Variants in SUMF1 observed in about 807,000 individuals in gnomAD.
SUMF1 encodes formylglycine-generating enzyme.
Under a neutral mutation model 47.6 loss-of-function variants are expected in SUMF1, and 48 were observed. The ratio of observed to expected loss-of-function variants is 1.01; its 90% CI spans 0.80 to 1.28. SUMF1 has a LOEUF of 1.28. Among genes scored for constraint, SUMF1 ranks in the 50% most tolerant of loss-of-function variants. The probability of loss-of-function intolerance (pLI) is 0.00; values close to 1 mark genes in which losing one functional copy is unlikely to be tolerated. For synonymous variants in SUMF1, 230 were observed against 192.1 expected, an observed-to-expected ratio of 1.20 and a Z score of -1.63; for missense variants, 571 against 485.4, an observed-to-expected ratio of 1.18 and a Z score of -1.66.
intron 8 of SUMF1, among the ~76,000 whole-genome samples, chr3:4,280,020 C>T (rs976684975): frequency 1.3e-5 from 2 of 152,034 alleles, no homozygotes; most frequent in Non-Finnish European, 2.9e-5. Flanking sequence ...TAAGAGATGA[C>T]ACTAGCCATC....
chr3:4,103,798 A>C (rs1381283961), intron 8 of SUMF1, among the ~76,000 whole-genome samples: 1 of 152,166 alleles, frequency 6.6e-6, no homozygotes, highest in Non-Finnish European at 1.5e-5. Flanking sequence ...AACAGAGGCC[A>C]AGAACCTTGC....
At chr3:4,281,042 G>C (rs1697519177) in intron 8 of SUMF1, among the ~76,000 whole-genome samples, 1 of 152,096 alleles carries the variant, frequency 6.6e-6, no homozygotes, top group Non-Finnish European at 1.5e-5. Context: ...GGTAACAGTG[G>C]GGGTCGGGGG....
intron 8 of SUMF1, among the ~76,000 whole-genome samples, chr3:4,323,925 T>C (rs1284967946): frequency 1.3e-5 from 2 of 152,176 alleles, no homozygotes; most frequent in African/African-American, 4.8e-5. Flanking sequence ...TGAATAACAA[T>C]GTACAGTTTT....
intron 8 of SUMF1, among the ~76,000 whole-genome samples, chr3:4,078,437 C>T (rs185288425): frequency 1.1e-4 from 17 of 152,188 alleles, no homozygotes; most frequent in Admixed American, 6.5e-4. Context: ...TCATGTGTTT[C>T]ATTAGTTACA....
chr3:4,241,984 A>T (rs1161742404), intron 8 of SUMF1, among the ~76,000 whole-genome samples: 1 of 152,154 alleles, frequency 6.6e-6, no homozygotes, highest in African/African-American at 2.4e-5. Flanking sequence ...GGCTGGCACC[A>T]TGTAGTCCGT....
chr3:4,319,553 A>T (rs967269581), intron 8 of SUMF1, among the ~76,000 whole-genome samples: 2 of 152,174 alleles, frequency 1.3e-5, no homozygotes, highest in African/African-American at 2.4e-5. Context: ...GGAGGAACTC[A>T]GATGAGACAA....
intron 8 of SUMF1, among the ~76,000 whole-genome samples, chr3:4,296,307 A>T (rs1266776973): frequency 7.7e-5 from 2 of 25,870 alleles, no homozygotes; most frequent in Admixed American, 5.7e-4. Flanking sequence ...CAAAATAGTT[A>T]AAAAAAAAAA....
chr3:4,076,765 C>A (rs990108044), intron 8 of SUMF1, among the ~76,000 whole-genome samples: 2 of 151,994 alleles, frequency 1.3e-5, no homozygotes, highest in Non-Finnish European at 2.9e-5. Flanking sequence ...TTTGGGAGAC[C>A]GAGGCGGGCG....
intron 8 of SUMF1, among the ~76,000 whole-genome samples, chr3:4,211,758 T>C (rs1298214390): frequency 1.3e-5 from 2 of 152,104 alleles, no homozygotes; most frequent in East Asian, 3.9e-4. Flanking sequence ...GAACTGATAA[T>C]ACATCAAGTC....
At chr3:4,047,714 G>A (rs1238684751) in intron 9 of SUMF1, among the ~76,000 whole-genome samples, 1 of 151,940 alleles carries the variant, frequency 6.6e-6, no homozygotes, top group East Asian at 1.9e-4. Context: ...ATACTCAAAG[G>A]AGACAGTAAA....
intron 8 of SUMF1, among the ~76,000 whole-genome samples, chr3:4,190,470 G>T (rs979815489): frequency 7.0e-6 from 1 of 143,282 alleles, no homozygotes; most frequent in African/African-American, 3.0e-5. Flanking sequence ...TCTTATGAAG[G>T]CCAATAAGAA....
intron 7 of SUMF1, among the ~76,000 whole-genome samples, chr3:4,391,185 T>A (rs180744703): frequency 1.6e-3 from 249 of 152,320 alleles, no homozygotes; most frequent in African/African-American, 5.8e-3. Context: ...CCTCTTGTTA[T>A]TTTCAAGATT....
At chr3:4,109,825 T>C (rs1250397596) in intron 8 of SUMF1, among the ~76,000 whole-genome samples, 1 of 152,126 alleles carries the variant, frequency 6.6e-6, no homozygotes, top group Non-Finnish European at 1.5e-5. Context: ...TCGCCATTCA[T>C]CTAATCTTTT....
At chr3:4,210,787 G>A (rs928867367) in intron 8 of SUMF1, among the ~76,000 whole-genome samples, 3 of 152,106 alleles carry the variant, frequency 2.0e-5, no homozygotes, top group South Asian at 2.1e-4. Context: ...GTGTGTCTGT[G>A]AGGGTGTTCC....
chr3:4,152,694 T>G (rs1178824186), intron 8 of SUMF1, among the ~76,000 whole-genome samples: 1 of 151,480 alleles, frequency 6.6e-6, no homozygotes, highest in African/African-American at 2.5e-5. Flanking sequence ...TAAATCAAAC[T>G]GTCTACACTT....
intron 8 of SUMF1, among the ~76,000 whole-genome samples, chr3:4,287,359 A>G (rs903608184): frequency 6.6e-6 from 1 of 152,056 alleles, no homozygotes; most frequent in African/African-American, 2.4e-5. Flanking sequence ...AACTTAATAA[A>G]CATTTATTTT....
chr3:4,359,175 C>T (rs377171264), downstream of SUMF1, among the ~76,000 whole-genome samples: 10 of 152,330 alleles, frequency 6.6e-5, 1 homozygote, highest in African/African-American at 2.4e-4. Context: ...CACTATCCAA[C>T]ATTATAAAGT....
chr3:4,241,569 G>C (rs984155284), intron 8 of SUMF1, among the ~76,000 whole-genome samples: 1 of 152,080 alleles, frequency 6.6e-6, no homozygotes, highest in Non-Finnish European at 1.5e-5. Context: ...ATATATGAGA[G>C]CTAAGAAGTG....
intron 8 of SUMF1, among the ~76,000 whole-genome samples, chr3:4,198,710 A>G (rs879524020): frequency 5.3e-5 from 8 of 151,964 alleles, no homozygotes; most frequent in Admixed American, 5.2e-4. Context: ...ATCTGAGGGG[A>G]GCCTACCTCA....
Sources: allele counts gnomAD v4.1 joint callset (sites outside exome capture counted in the v4.1 genomes callset), GRCh38; gene constraint gnomAD v4.1.1; transcripts MANE v1.5; gene names NCBI Gene and HGNC (gene_info 2026-07-23, HGNC 2026-07-21).